Variants in ROBO1 observed in about 807,000 individuals in gnomAD.
The protein encoded by ROBO1 is roundabout homolog 1.
In ROBO1, 149 loss-of-function variants were observed where a neutral mutation model predicts 195.9. The ratio of observed to expected loss-of-function variants is 0.76; its 90% CI spans 0.67 to 0.87. ROBO1 has a LOEUF of 0.87. Ranked by LOEUF, ROBO1 falls within the 40% of genes least tolerant of loss-of-function variation. ROBO1 has a pLI of 0.00. For missense variants in ROBO1, 1,933 were observed against 2,068.3 expected (o/e 0.93, Z 1.27); for synonymous variants, 816 against 733.2 (o/e 1.11, Z -1.82).
chr3:79,095,451 C>T (rs72892099), intron 3 of ROBO1, among the ~76,000 whole-genome samples: 16,960 of 151,960 alleles, frequency 0.11, 1,415 homozygotes, highest in African/African-American at 0.23. Flanking sequence ...AAAACTGAGA[C>T]GACCAGCCAC....
chr3:79,443,318 T>C (rs1448788733), intron 2 of ROBO1, among the ~76,000 whole-genome samples: 1 of 152,168 alleles, frequency 6.6e-6, no homozygotes, highest in Non-Finnish European at 1.5e-5. Context: ...CCAGCTGAAA[T>C]ACTCGGTCCT....
chr3:79,699,101 CATT>C (rs918733789), intron 1 of ROBO1, among the ~76,000 whole-genome samples: 1 of 146,502 alleles, frequency 6.8e-6, no homozygotes, highest in Non-Finnish European at 1.5e-5. Flanking sequence ...ATATATATGA[CATT>C]AACATTTATG....
At chr3:78,780,568 T>C (rs75764286) in intron 4 of ROBO1, among the ~76,000 whole-genome samples, 7,114 of 152,166 alleles carry the variant, frequency 0.047, 549 homozygotes, top group African/African-American at 0.16. Context: ...CAAAATAATT[T>C]TAACGTTGAG....
chr3:79,417,204 C>T (rs2038040939), intron 2 of ROBO1, among the ~76,000 whole-genome samples: 1 of 152,066 alleles, frequency 6.6e-6, no homozygotes, highest in Admixed American at 6.6e-5. Flanking sequence ...TTGTAAAAGA[C>T]ATTGGGGTTT....
intron 2 of ROBO1, among the ~76,000 whole-genome samples, chr3:79,469,785 CT>C (rs1487208156): frequency 6.6e-6 from 1 of 151,902 alleles, no homozygotes; most frequent in African/African-American, 2.4e-5. Flanking sequence ...AATATAAGTG[CT>C]TTTAAAAGAA....
At chr3:79,549,388 C>G (rs1022765752) in intron 2 of ROBO1, among the ~76,000 whole-genome samples, 9 of 152,140 alleles carry the variant, frequency 5.9e-5, no homozygotes, top group African/African-American at 2.2e-4. Flanking sequence ...TGAGAGCACT[C>G]AGAAAACACA....
At chr3:79,541,675 A>G (rs1942071516) in intron 2 of ROBO1, among the ~76,000 whole-genome samples, 1 of 151,936 alleles carries the variant, frequency 6.6e-6, no homozygotes, top group Non-Finnish European at 1.5e-5. Flanking sequence ...TGCTTTCTAC[A>G]GCTGAATTGT....
chr3:79,382,020 A>G, intron 2 of ROBO1, among the ~76,000 whole-genome samples: 1 of 152,054 alleles, frequency 6.6e-6, no homozygotes, highest in Admixed American at 6.6e-5. Context: ...CTGCATTTCT[A>G]CTGCCACCAG....
At chr3:78,684,177 C>T (rs925072677) in intron 10 of ROBO1, among the ~76,000 whole-genome samples, 1 of 151,994 alleles carries the variant, frequency 6.6e-6, no homozygotes, top group African/African-American at 2.4e-5. Flanking sequence ...TATGAGAATA[C>T]ATAAATAAAT....
At chr3:79,476,823 G>A (rs562740522) in intron 2 of ROBO1, among the ~76,000 whole-genome samples, 4 of 151,924 alleles carry the variant, frequency 2.6e-5, no homozygotes, top group Non-Finnish European at 2.9e-5. Context: ...TACACTGCTC[G>A]GGTGATGAGT....
chr3:79,732,884 G>T (rs1475836054), intron 1 of ROBO1, among the ~76,000 whole-genome samples: 7 of 152,104 alleles, frequency 4.6e-5, no homozygotes, highest in Admixed American at 2.0e-4. Flanking sequence ...GTTTTAAAGT[G>T]CAATATGTAT....
At chr3:79,224,703 T>G (rs1028545417) in intron 2 of ROBO1, among the ~76,000 whole-genome samples, 1 of 152,156 alleles carries the variant, frequency 6.6e-6, no homozygotes, top group African/African-American at 2.4e-5. Context: ...TAGACCCCAT[T>G]GGATTTTTCT....
At chr3:78,612,335 A>C (rs549771115) in intron 28 of ROBO1, among the ~76,000 whole-genome samples, 1 of 152,336 alleles carries the variant, frequency 6.6e-6, no homozygotes, top group African/African-American at 2.4e-5. Context: ...ACATTTTAAC[A>C]ATCGGTAGCT....
At chr3:79,557,760 A>ATTTTTT (rs1167224169) in intron 2 of ROBO1, among the ~76,000 whole-genome samples, 2 of 145,272 alleles carry the variant, frequency 1.4e-5, no homozygotes, top group African/African-American at 2.6e-5. Flanking sequence ...ATATATATAT[A>ATTTTTT]TATATTTTAT....
At chr3:79,513,422 GA>G (rs994685181) in intron 2 of ROBO1, among the ~76,000 whole-genome samples, 6 of 150,090 alleles carry the variant, frequency 4.0e-5, no homozygotes, top group South Asian at 2.1e-4. Context: ...AGCAAGAGGG[GA>G]AAAAAAAACT....
chr3:79,686,765 T>G lies in ROBO1; in HGVS notation c.-51+80987A>C, dbSNP rs958319490. On this transcript the variant is annotated intron_variant, in intron 1 of 30. Transcript: ENST00000464233. The stretch of plus-strand genomic sequence containing the variant: ...ATTCCATGCTCATGGGTAGGAAGAA[T>G]CAATATCATGAAAATAGCCATACTG... 6.6e-5 allele frequency among the ~76,000 whole-genome samples: 10 copies of G among 152,126 alleles called. No individual in the cohort carries two copies. The East Asian group carries it at 1.9e-3, about 29-fold the overall frequency.
At chr3:79,260,849 T>A (rs1200471756) in intron 2 of ROBO1, among the ~76,000 whole-genome samples, 2 of 152,162 alleles carry the variant, frequency 1.3e-5, no homozygotes, top group Non-Finnish European at 2.9e-5. Context: ...ATTTTCCATA[T>A]AACAAGTTAA....
rs2033050119 is a variant in ROBO1 at position 79,303,159 on chromosome 3, GGTTTT to G, written c.89-177625_89-177621del. Among the ~76,000 whole-genome samples the G allele has an allele frequency of 8.3e-5, 6 of 72,090 alleles. 2 individuals carry two copies. 47.3% of individuals were successfully genotyped at this position (72,090 alleles called of 152,430 possible). On this transcript the variant is annotated intron_variant, in intron 2 of 30. Coordinates refer to ENST00000464233, the MANE Select transcript of ROBO1 (RefSeq NM_002941.4). ...ATTAATATATGAATTATCTCACATA[GGTTTT>G]TTTTTTTTTTTTTTTTTTTGGAGAT...
chr3:78,854,282 G>A (rs1019889086), intron 4 of ROBO1, among the ~76,000 whole-genome samples: 3 of 146,894 alleles, frequency 2.0e-5, no homozygotes, highest in African/African-American at 7.5e-5. Context: ...TAATCAATAT[G>A]ATGTATTATA....
Sources: allele counts gnomAD v4.1 joint callset (sites outside exome capture counted in the v4.1 genomes callset), GRCh38; gene constraint gnomAD v4.1.1; transcripts MANE v1.5; gene names NCBI Gene and HGNC (gene_info 2026-07-23, HGNC 2026-07-21).